Variants in FILIP1L observed in about 807,000 individuals in gnomAD.
FILIP1L encodes filamin A-interacting protein 1-like.
FILIP1L carries 55 observed loss-of-function variants against 96.6 expected under a neutral mutation model. The ratio of observed to expected loss-of-function variants is 0.57; its 90% CI spans 0.46 to 0.71. FILIP1L has a LOEUF of 0.71. Ranked by LOEUF, FILIP1L falls within the 30% of genes least tolerant of loss-of-function variation. The probability of loss-of-function intolerance (pLI) is 0.00; values close to 1 mark genes in which losing one functional copy is unlikely to be tolerated. For missense variants in FILIP1L, 1,304 were observed against 1,321.2 expected (o/e 0.99, Z 0.20); for synonymous variants, 467 against 473.9 (o/e 0.99, Z 0.19).
chr3:99,857,408 T>C (rs1944019041), intron 4 of FILIP1L, among the ~76,000 whole-genome samples: 1 of 152,224 alleles, frequency 6.6e-6, no homozygotes, highest in Admixed American at 6.5e-5. Context: ...CAGGGTTAGG[T>C]GGTAAACGTC....
At chr3:100,001,618 T>G (rs1013796724) in intron 1 of FILIP1L, among the ~76,000 whole-genome samples, 2 of 152,188 alleles carry the variant, frequency 1.3e-5, no homozygotes, top group East Asian at 3.9e-4. Flanking sequence ...GGAGACATGT[T>G]CCATCTAGTT....
At chr3:99,960,020 G>A (rs1023239220) in intron 1 of FILIP1L, among the ~76,000 whole-genome samples, 3 of 152,056 alleles carry the variant, frequency 2.0e-5, no homozygotes, top group Non-Finnish European at 4.4e-5. Context: ...CTCCTTTCCT[G>A]CCTCCCTCCT....
At chr3:99,926,209 G>T (rs1163536134) in intron 3 of FILIP1L, among the ~76,000 whole-genome samples, 1 of 152,230 alleles carries the variant, frequency 6.6e-6, no homozygotes, top group Admixed American at 6.5e-5. Context: ...TTCAGAAAAA[G>T]AGTACAACTG....
intron 4 of FILIP1L, among the ~76,000 whole-genome samples, chr3:99,885,947 A>G (rs1705881108): frequency 6.6e-6 from 1 of 152,210 alleles, no homozygotes; most frequent in Non-Finnish European, 1.5e-5. Flanking sequence ...GCCTCCAACA[A>G]CTAGTAGCAC....
At position 99,981,084 on chromosome 3, in the gene FILIP1L, C is replaced by G. The variant is rs570762722; in HGVS notation, c.-10-50054G>C. Among the ~76,000 whole-genome samples the G allele has an allele frequency of 1.2e-4, 19 of 152,278 alleles. No individual in the cohort carries two copies. In the South Asian group the frequency reaches 3.9e-3, roughly 32 times the overall value. ...CAAAGGTTTTAGAAACAAAGGACCTCTCACATTTGTGTGGGATTACATACT... is the reference window on the plus strand; with the variant it reads ...CAAAGGTTTTAGAAACAAAGGACCTGTCACATTTGTGTGGGATTACATACT... On this transcript the variant is annotated intron_variant, in intron 1 of 5. Transcript: ENST00000477258.
At chr3:100,086,178 G>C (rs1485699937) in intron 1 of FILIP1L, among the ~76,000 whole-genome samples, 1 of 152,200 alleles carries the variant, frequency 6.6e-6, no homozygotes, top group Non-Finnish European at 1.5e-5. Flanking sequence ...TCTGGCAGTG[G>C]TAGAGAGTCT....
chr3:99,952,173 T>A (rs981373288), intron 1 of FILIP1L, among the ~76,000 whole-genome samples: 1 of 152,092 alleles, frequency 6.6e-6, no homozygotes, highest in Non-Finnish European at 1.5e-5. Flanking sequence ...TGTGTTTTTT[T>A]TTTTCGTTGA....
chr3:99,848,774 T>G lies in FILIP1L; in HGVS notation c.2902A>C (p.Asn968His). ...KSKTSTEDLM[N>H]LEQGMSPITM... ...ATTGGGGACATGCCTTGTTCTAAAT[T>G]CATGAGGTCTTCGGTAGAGGTTTTG... Residue 968 changes from asparagine to histidine, a missense_variant, in exon 5 of 6, where the codon AAT (asparagine) becomes CAT (histidine). By Grantham distance (68) the Asn-to-His change is moderately conservative (BLOSUM62 1). Coordinates refer to ENST00000477258, the MANE Select transcript of FILIP1L (RefSeq NM_001387850.1). The G allele has an allele frequency of 6.2e-7, 1 of 1,614,160 alleles. No individual in the cohort carries two copies. The highest frequency in any genetic ancestry group is 2.2e-5 in the East Asian group (1 of 44,876).
At chr3:99,881,965 GT>G (rs1705744117) in intron 4 of FILIP1L, among the ~76,000 whole-genome samples, 1 of 152,154 alleles carries the variant, frequency 6.6e-6, no homozygotes, top group South Asian at 2.1e-4. Context: ...AACAAGTTTT[GT>G]TAGTTTGAAG....
chr3:99,982,070 G>GC (rs1305084401), intron 1 of FILIP1L, among the ~76,000 whole-genome samples: 13 of 151,948 alleles, frequency 8.6e-5, no homozygotes, highest in African/African-American at 2.9e-4. Flanking sequence ...ATAAATAGAA[G>GC]TTTATACTTT....
chr3:100,092,609 A>G (rs957948548), intron 1 of FILIP1L, among the ~76,000 whole-genome samples: 1 of 149,892 alleles, frequency 6.7e-6, no homozygotes, highest in African/African-American at 2.5e-5. Flanking sequence ...TATGAGGGTT[A>G]AATGAGTCAA....
intron 4 of FILIP1L, among the ~76,000 whole-genome samples, chr3:99,886,734 A>C (rs558135525): frequency 6.6e-6 from 1 of 151,972 alleles, no homozygotes; most frequent in East Asian, 1.9e-4. Flanking sequence ...TAGGCAGATC[A>C]CTTGAGGTTA....
intron 1 of FILIP1L, among the ~76,000 whole-genome samples, chr3:100,092,864 A>G (rs1015592086): frequency 6.6e-6 from 1 of 151,508 alleles, no homozygotes; most frequent in Non-Finnish European, 1.5e-5. Flanking sequence ...CACAAGACAA[A>G]CTCATTCCAG....
chr3:99,964,556 C>G (rs897244491), intron 1 of FILIP1L, among the ~76,000 whole-genome samples: 1 of 151,878 alleles, frequency 6.6e-6, no homozygotes, highest in African/African-American at 2.4e-5. Flanking sequence ...TCACTCTGTT[C>G]TTTGCACCAT....
intron 4 of FILIP1L, among the ~76,000 whole-genome samples, chr3:99,862,477 T>C (rs567851201): frequency 6.6e-5 from 10 of 152,246 alleles, no homozygotes; most frequent in African/African-American, 2.4e-4. Flanking sequence ...TAGGTCAGAG[T>C]TTCTCAGCCT....
chr3:100,065,184 C>T (rs2065643158), intron 1 of FILIP1L, among the ~76,000 whole-genome samples: 2 of 152,166 alleles, frequency 1.3e-5, no homozygotes. Context: ...TCCCAGGCCC[C>T]ACCCCAGACT....
chr3:99,861,818 C>G (rs1944273585), intron 4 of FILIP1L, among the ~76,000 whole-genome samples: 1 of 152,284 alleles, frequency 6.6e-6, no homozygotes, highest in Middle Eastern at 3.4e-3. Context: ...AATTCAGACT[C>G]TGGAGTTCAG....
At chr3:100,055,457 G>C (rs957130130) in intron 1 of FILIP1L, among the ~76,000 whole-genome samples, 2 of 152,006 alleles carry the variant, frequency 1.3e-5, no homozygotes, top group African/African-American at 4.8e-5. Context: ...TCTAATGCTA[G>C]AAAAAAACTG....
At chr3:100,037,939 CTT>C (rs150366639) in intron 1 of FILIP1L, among the ~76,000 whole-genome samples, 6 of 118,178 alleles carry the variant, frequency 5.1e-5, no homozygotes, top group Non-Finnish European at 8.3e-5. Context: ...AATCGCTTTT[CTT>C]TTTTTTTTTT....
Sources: gnomAD v4.1 joint callset for allele counts (sites outside exome capture counted in the v4.1 genomes callset) on GRCh38, gnomAD v4.1.1 for gene constraint, MANE v1.5 for transcripts, NCBI Gene and HGNC (gene_info 2026-07-23, HGNC 2026-07-21) for gene names.